RNF111: variants seen among roughly 807,000 people sequenced by gnomAD.
RNF111 encodes ring finger protein 111.
RNF111 carries 17 observed loss-of-function variants against 95.1 expected under a neutral mutation model. The ratio of observed to expected loss-of-function variants is 0.18; its 90% CI spans 0.12 to 0.27. The LOEUF (loss-of-function observed/expected upper bound fraction) is 0.27. Among genes scored for constraint, RNF111 ranks in the 10% least tolerant of loss-of-function variants. The probability of loss-of-function intolerance (pLI) is 1.00; values close to 1 mark genes in which losing one functional copy is unlikely to be tolerated. For missense variants in RNF111, 1,189 were observed against 1,210.4 expected, an observed-to-expected ratio of 0.98 and a Z score of 0.26; for synonymous variants, 440 against 414.8, an observed-to-expected ratio of 1.06 and a Z score of -0.74.
intron 2 of RNF111, among the ~76,000 whole-genome samples, chr15:59,041,703 C>T (rs1327085383): frequency 2.6e-5 from 4 of 152,128 alleles, no homozygotes; most frequent in African/African-American, 7.2e-5. Flanking sequence ...TAAAATATGG[C>T]CACATTTTTC....
At chr15:59,092,819 C>T (rs2079089036) in intron 13 of RNF111, among the ~76,000 whole-genome samples, 179 bp downstream of exon 13, 1 of 152,162 alleles carries the variant, frequency 6.6e-6, no homozygotes, top group African/African-American at 2.4e-5. Context: ...CATAACAAGA[C>T]TCTGTTTCTA....
At chr15:59,001,275 T>G (rs1452582400) in intron 1 of RNF111, among the ~76,000 whole-genome samples, 3 of 152,198 alleles carry the variant, frequency 2.0e-5, no homozygotes, top group Non-Finnish European at 2.9e-5. Context: ...GAAGGGTTCA[T>G]GTTCTTCAGT....
intron 2 of RNF111, among the ~76,000 whole-genome samples, chr15:59,039,183 C>T (rs1055288491): frequency 6.6e-6 from 1 of 152,072 alleles, no homozygotes; most frequent in Admixed American, 6.6e-5. Flanking sequence ...ATGCTGGTCT[C>T]GAACTCCTAA....
chr15:59,040,140 G>C (rs1201559542), intron 2 of RNF111, among the ~76,000 whole-genome samples: 1 of 151,266 alleles, frequency 6.6e-6, no homozygotes, highest in Non-Finnish European at 1.5e-5. Flanking sequence ...TTAAAGGGAC[G>C]GTCTCACTCT....
intron 1 of RNF111, among the ~76,000 whole-genome samples, chr15:59,027,219 G>C (rs1314937954): frequency 6.6e-6 from 1 of 152,056 alleles, no homozygotes; most frequent in African/African-American, 2.4e-5. Flanking sequence ...AGCCCATAAA[G>C]ACTCCAAGAT....
intron 11 of RNF111, 40 bp from the exon 12 acceptor site, chr15:59,091,019 C>T: frequency 8.4e-7 from 1 of 1,195,322 alleles, no homozygotes. Context: ...AAGGAATAAT[C>T]ATCTTGGCTT....
chr15:59,080,895 C>A, intron 7 of RNF111, 41 bp from the exon 8 acceptor site: 1 of 1,449,206 alleles, frequency 6.9e-7, no homozygotes, highest in Non-Finnish European at 9.5e-7. Flanking sequence ...TGTTCAACTG[C>A]ATGGTGCCTA....
rs1334519168 is a variant in RNF111, at chr15:59,096,185, G to A, written c.*1285G>A. On this transcript the variant is annotated 3_prime_UTR_variant, in exon 14 of 14. Coordinates refer to ENST00000348370, the MANE Select transcript of RNF111 (RefSeq NM_017610.8). ...AACATACTAACATTTCTCCTTTGGA[G>A]GAAGTTTTAATCTACTTCAGGATGC... is the stretch of plus-strand genomic sequence containing the variant. 5.0e-6 allele frequency: 2 copies of A among 397,088 alleles called. No individual in the cohort carries two copies. Among genetic ancestry groups the A allele is most frequent in the Admixed American group, 8.8e-5 (2 of 22,678 alleles). 24.6% of individuals were successfully genotyped at this position (397,088 alleles called of 1,614,324 possible).
intron 1 of RNF111, among the ~76,000 whole-genome samples, chr15:59,030,278 GA>G (rs1163520521): frequency 1.3e-4 from 19 of 151,180 alleles, no homozygotes; most frequent in African/African-American, 3.2e-4. Flanking sequence ...TAGTATGAAG[GA>G]AAAAAAATAG....
At position 59,058,410 on chromosome 15, in the gene RNF111, C is replaced by T. The variant is rs1197366483; in HGVS notation, c.1226C>T (p.Ala409Val). 1.2e-6 allele frequency: 2 copies of T among 1,614,008 alleles called. No homozygotes were observed. Among genetic ancestry groups the T allele is most frequent in the African/African-American group, 2.7e-5 (2 of 74,926 alleles). ...SARMESQATS[A>V]SINNSNPSTS... ...AGAATGGAATCACAAGCTACTAGCG[C>T]TTCCATTAACAATTCAAATCCATCT... The change falls in exon 5 of 14, where the codon GCT (alanine) becomes GTT (valine). Residue 409 changes from alanine (A) to valine (V), a missense_variant. Physicochemically the swap from Ala to Val is moderately conservative, Grantham distance 64 (BLOSUM62 0). Around this residue, in one of 2 missense-constraint regions of RNF111, gnomAD observed 1,024 missense variants for 925.9 expected, o/e 1.11. Coordinates refer to ENST00000348370, the MANE Select transcript of RNF111 (RefSeq NM_017610.8).
intron 1 of RNF111, among the ~76,000 whole-genome samples, chr15:59,018,154 A>C (rs2040159966): frequency 6.6e-6 from 1 of 152,194 alleles, no homozygotes; most frequent in Non-Finnish European, 1.5e-5. Flanking sequence ...GGTTTGATAA[A>C]TTATTATCAT....
chr15:59,060,745 C>T (rs1026865906), intron 5 of RNF111, among the ~76,000 whole-genome samples: 2 of 151,976 alleles, frequency 1.3e-5, no homozygotes, highest in African/African-American at 2.4e-5. Flanking sequence ...AGGGATTTGA[C>T]TTCTCATTGA....
In RNF111 at chr15:59,076,022, A is replaced by T; in HGVS notation, c.1755A>T (p.Ala585=). 4.3e-6 allele frequency: 7 copies of T among 1,614,226 alleles called. No homozygotes were observed. The highest frequency in any genetic ancestry group is 5.9e-6 in the Non-Finnish European group (7 of 1,180,046). ...ATGGAAGTGGCAGTTTTCATGGAGC[A>T]TCTGCATTTGACCCCTGCTGCCCTG... ...RSHGSGSFHG[A]SAFDPCCPVS... The change falls in exon 7 of 14, where the codon GCA becomes GCT. Residue 585 remains alanine (A), a synonymous_variant. Coordinates refer to ENST00000348370, the MANE Select transcript of RNF111 (RefSeq NM_017610.8).
rs983007586 is a variant in RNF111 at position 59,095,917 on chromosome 15, G to C, written c.*1017G>C. ...TAAAGGTCCCAGGATCACTTTTAAG[G>C]GATTTTTATTAGTTTAAAGGTAAAT... On this transcript the variant is annotated 3_prime_UTR_variant, in exon 14 of 14. Transcript: ENST00000348370. 1 of 397,522 alleles carries C rather than the reference G, an allele frequency of 2.5e-6. No homozygotes were observed. The highest frequency in any genetic ancestry group is 1.3e-4 in the South Asian group (1 of 7,598). 24.6% of individuals were successfully genotyped at this position (397,522 alleles called of 1,614,324 possible). A position where few individuals can be genotyped will look rare whatever the true frequency, so the allele number is the denominator to read the frequency against.
chr15:59,022,821 C>G (rs1182859482), intron 1 of RNF111, among the ~76,000 whole-genome samples: 1 of 152,192 alleles, frequency 6.6e-6, no homozygotes, highest in Non-Finnish European at 1.5e-5. Context: ...TTCCTGCTCT[C>G]TACCTAGAGG....
chr15:59,066,575 C>T (rs1471597002), intron 5 of RNF111, among the ~76,000 whole-genome samples, 189 bp from the exon 6 acceptor site: 1 of 152,082 alleles, frequency 6.6e-6, no homozygotes, highest in East Asian at 1.9e-4. Flanking sequence ...CGCCACTGCA[C>T]TCCAGCCTGT....
At chr15:59,078,675 A>G (rs2078642907) in intron 7 of RNF111, among the ~76,000 whole-genome samples, 1 of 152,102 alleles carries the variant, frequency 6.6e-6, no homozygotes, top group Non-Finnish European at 1.5e-5. Context: ...CCTGGCCAAC[A>G]TGGCGAAACC....
intron 9 of RNF111, 115 bp downstream of exon 9, chr15:59,084,369 C>G: frequency 9.5e-7 from 1 of 1,057,036 alleles, no homozygotes; most frequent in South Asian, 2.8e-5. Flanking sequence ...AACCTAATCC[C>G]CAGTTTAACT....
intron 1 of RNF111, among the ~76,000 whole-genome samples, chr15:59,020,030 A>G (rs1270157512): frequency 6.6e-6 from 1 of 151,364 alleles, no homozygotes; most frequent in Non-Finnish European, 1.5e-5. Context: ...GGGTTAATGG[A>G]TTTTTGAGTT....
Sources: gnomAD v4.1 joint callset for allele counts (sites outside exome capture counted in the v4.1 genomes callset) on GRCh38, gnomAD v4.1.1 for gene constraint, gnomAD v4.1.1 regional missense constraint, MANE v1.5 for transcripts, NCBI Gene and HGNC (gene_info 2026-07-23, HGNC 2026-07-21) for gene names.